Variants in CYP11B1 observed in about 807,000 individuals in gnomAD.
CYP11B1 encodes cytochrome P450 11B1, mitochondrial.
A neutral mutation model predicts 48.3 loss-of-function variants in CYP11B1; 34 were observed. The observed-to-expected ratio is 0.70, with a 90% CI of 0.54 to 0.94. The LOEUF (loss-of-function observed/expected upper bound fraction) is 0.94. Ranked by LOEUF, CYP11B1 falls within the 40% of genes least tolerant of loss-of-function variation. CYP11B1 has a pLI of 0.00. For missense variants in CYP11B1, 688 were observed against 657.4 expected (o/e 1.05, Z -0.51); for synonymous variants, 291 against 262.5 (o/e 1.11, Z -1.05).
chr8:142,877,947 T>C (rs1817012139), intron 2 of CYP11B1: 5 of 804,790 alleles, frequency 6.2e-6, no homozygotes, highest in Non-Finnish European at 9.9e-6. Context: ...CTCAACACCA[T>C]GTGTGAAGAG....
At chr8:142,874,600 G>A (rs1411234710) in intron 8 of CYP11B1, 114 bp from the exon 9 acceptor site, 2 of 794,700 alleles carry the variant, frequency 2.5e-6, no homozygotes, top group Non-Finnish European at 4.4e-6. Flanking sequence ...CAGCAGCCTG[G>A]CCTCCAACCT....
In CYP11B1 at chr8:142,877,245, T is replaced by G. The variant is rs1218698633; in HGVS notation, c.396-23A>C. 1.9e-6 allele frequency: 3 copies of G among 1,590,970 alleles called. No homozygotes were observed. The Admixed American group carries it at 5.3e-5, about 28-fold the overall frequency. On this transcript the variant is annotated intron_variant, in intron 2 of 8. Coordinates refer to ENST00000292427, the MANE Select transcript of CYP11B1 (RefSeq NM_000497.4). ...TTCCTACAGAGGCCAGGGCAGAGCTTGTGAGGCCGCCCCAGCAAGACACAG... is the reference window on the plus strand; with the variant it reads ...TTCCTACAGAGGCCAGGGCAGAGCTGGTGAGGCCGCCCCAGCAAGACACAG...
intron 4 of CYP11B1, 49 bp downstream of exon 4, chr8:142,876,633 C>T (rs1410658783): frequency 1.9e-6 from 3 of 1,577,050 alleles, no homozygotes; most frequent in Admixed American, 1.8e-5. Context: ...AGAAATTGGG[C>T]CCCCATGGTG....
In CYP11B1 at chr8:142,877,151, C is replaced by T. The variant is rs752985075; in HGVS notation, c.467G>A (p.Arg156Lys). ...PEVLSPNAVQ[R>K]FLPMVDAVAR... is the part of the protein sequence containing the mutation. ...CACTGCATCCACCATCGGGAGGAAC[C>T]TCTGCACAGCGTTGGGCGACAGCAC... Residue 156 changes from arginine (R) to lysine (K), a missense_variant, in exon 3 of 9, where the codon AGG (arginine) becomes AAG (lysine). By Grantham distance (26) the Arg-to-Lys change is conservative. Transcript: ENST00000292427. 1.9e-6 allele frequency: 3 copies of T among 1,614,204 alleles called. No individual in the cohort carries two copies. Among genetic ancestry groups the T allele is most frequent in the South Asian group, 1.1e-5 (1 of 91,086 alleles).
At position 142,873,387 on chromosome 8, in the gene CYP11B1, C is replaced by T. The variant is rs918149931; in HGVS notation, c.*986G>A. The T allele has an allele frequency of 6.6e-6, 1 of 152,224 alleles. No individual in the cohort carries two copies. Among genetic ancestry groups the T allele is most frequent in the African/African-American group, 2.4e-5 (1 of 41,456 alleles). The allele number at this position is 152,224 out of a possible 1,614,324, so 9.4% of individuals were successfully genotyped here. A position where few individuals can be genotyped will look rare whatever the true frequency, so the allele number is the denominator to read the frequency against. The stretch of plus-strand genomic sequence containing the variant: ...GGGGAGTGGCCAGTTCAGGAGGGGT[C>T]AACTCTCTCTGCTGGGCTAGGAGCA... On this transcript the variant is annotated 3_prime_UTR_variant, in exon 9 of 9. Coordinates refer to ENST00000292427, the MANE Select transcript of CYP11B1 (RefSeq NM_000497.4).
chr8:142,879,350 G>T, intron 1 of CYP11B1, 163 bp from the exon 2 acceptor site: 6 of 1,607,258 alleles, frequency 3.7e-6, no homozygotes, highest in Non-Finnish European at 5.1e-6. Flanking sequence ...CTTAACTTCA[G>T]TGCCTCTGAG....
Position 142,876,836 on chromosome 8 carries a change from G to T in CYP11B1, c.645C>A (p.Ser215Arg), listed in dbSNP as rs199525592. ...GGAAGTTCAGGCTGGCAGAACTGGG[G>T]CTGTGGCCAACCAGGCCCAGCCGCT... Reference protein sequence around the residue: ...FGERLGLVGHSPSSASLNFLH... With the variant: ...FGERLGLVGHRPSSASLNFLH... Residue 215 changes from serine to arginine, a missense_variant, in exon 4 of 9, where the codon AGC (serine) becomes AGA (arginine). Transcript: ENST00000292427. 1.9e-6 allele frequency: 3 copies of T among 1,614,008 alleles called. No homozygotes were observed. The highest frequency in any genetic ancestry group is 2.2e-5 in the South Asian group (2 of 91,078).
At chr8:142,876,595 T>C (rs1336994627) in intron 4 of CYP11B1, 87 bp downstream of exon 4, 12 of 1,557,818 alleles carry the variant, frequency 7.7e-6, no homozygotes, top group Non-Finnish European at 1.0e-5. Flanking sequence ...CCCTGTGGCC[T>C]CCATTCCCCA....
At chr8:142,875,638 G>C (rs1414168659) in intron 6 of CYP11B1, 74 bp downstream of exon 6, 24 of 1,554,186 alleles carry the variant, frequency 1.5e-5, no homozygotes, top group Non-Finnish European at 1.9e-5. Flanking sequence ...CCCAGATTCT[G>C]TCTGCCACCA....
At position 142,875,090 on chromosome 8, in the gene CYP11B1, C is replaced by A. The variant is rs369813641; in HGVS notation, c.1265G>T (p.Arg422Leu). Residue 422 changes from arginine to leucine, a missense_variant, in exon 8 of 9, where the codon CGC becomes CTC. Coordinates refer to ENST00000292427, the MANE Select transcript of CYP11B1 (RefSeq NM_000497.4). ...RNPALFPRPE[R>L]YNPQRWLDIR... ...GTCTAGCCAGCGCTGGGGGTTATAG[C>A]GCTCAGGCCTCGGGAACAAGGCGGG... 111 of 1,614,138 alleles carry A rather than the reference C, an allele frequency of 6.9e-5. No homozygotes were observed. The highest frequency in any genetic ancestry group is 9.2e-5 in the Non-Finnish European group (109 of 1,180,056).
In CYP11B1 at chr8:142,879,210, G is replaced by A. The variant is rs61751138; in HGVS notation, c.240-23C>T. On this transcript the variant is annotated intron_variant, in intron 1 of 8. Coordinates refer to ENST00000292427, the MANE Select transcript of CYP11B1 (RefSeq NM_000497.4). Reference sequence around the variant, plus strand: ...TACCTGTGGGGCCAAGCACGAGGCCGTGCTGGATGGGACCATGTCCCCGCT... The same window carrying A: ...TACCTGTGGGGCCAAGCACGAGGCCATGCTGGATGGGACCATGTCCCCGCT... 81,074 of 1,613,744 alleles carry A rather than the reference G, an allele frequency of 0.05. 2,364 individuals carry two copies. The highest frequency in any genetic ancestry group is 0.058 in the Non-Finnish European group (68,421 of 1,179,974).
In CYP11B1 at chr8:142,874,961, TGCA is replaced by T. The variant is rs761488596; in HGVS notation, c.1391_1393del (p.Leu464del). ...CCCCAGCCCGGGCCTGCTCACATGG[TGCA>T]GCAGCAGCAGCATCTCTGCCTCTGC... On this transcript the variant is annotated inframe_deletion, in exon 8 of 9. Transcript: ENST00000292427. 2 of 1,613,326 alleles carry T rather than the reference TGCA, an allele frequency of 1.2e-6. No homozygotes were observed. The highest frequency in any genetic ancestry group is 4.5e-5 in the East Asian group (2 of 44,866).
intron 4 of CYP11B1, 51 bp from the exon 5 acceptor site, chr8:142,876,446 C>T (rs748626226): frequency 4.2e-5 from 67 of 1,581,228 alleles, no homozygotes; most frequent in Non-Finnish European, 4.9e-5. Context: ...GGGAGACATC[C>T]TTCAGTGTCC....
At chr8:142,877,566 AG>A (rs796842077) in intron 2 of CYP11B1, among the ~76,000 whole-genome samples, 3 of 152,294 alleles carry the variant, frequency 2.0e-5, no homozygotes, top group African/African-American at 7.2e-5. Flanking sequence ...TCTGCAAGAA[AG>A]GAACTGACCC....
intron 6 of CYP11B1, 58 bp downstream of exon 6, chr8:142,875,654 T>C: frequency 6.3e-7 from 1 of 1,597,338 alleles, no homozygotes. Flanking sequence ...CACCACCCAG[T>C]GGGGGCTGCT....
chr8:142,875,834 G>C lies in CYP11B1; in HGVS notation c.999C>G (p.Asn333Lys). The C allele has an allele frequency of 6.2e-7, 1 of 1,614,108 alleles. No individual in the cohort carries two copies. The highest frequency in any genetic ancestry group is 1.7e-5 in the Admixed American group (1 of 60,024). The stretch of plus-strand genomic sequence containing the variant: ...GGCGCAGGGCCTGCTGCACGTTGGG[G>C]TTCCGAGCCAGCTCAAAGAGCGTCA... ...LLMTLFELAR[N>K]PNVQQALRQE... The change falls in exon 6 of 9, where the codon AAC becomes AAG. Residue 333 changes from asparagine (N) to lysine (K), a missense_variant. Asn to Lys is a moderately conservative substitution (Grantham distance 94). Coordinates refer to ENST00000292427, the MANE Select transcript of CYP11B1 (RefSeq NM_000497.4).
intron 2 of CYP11B1, chr8:142,877,783 A>G: frequency 6.3e-7 from 1 of 1,597,266 alleles, no homozygotes; most frequent in Non-Finnish European, 8.5e-7. Context: ...TGGGGGCTCC[A>G]TGGATGCCCC....
rs552467066 is a variant in CYP11B1 at position 142,878,489 on chromosome 8, C to T, written c.395+543G>A. Among the ~76,000 whole-genome samples the T allele has an allele frequency of 6.6e-5, 10 of 152,332 alleles. No homozygotes were observed. The South Asian group carries it at 1.0e-3, about 16-fold the overall frequency. On this transcript the variant is annotated intron_variant, in intron 2 of 8. Coordinates refer to ENST00000292427, the MANE Select transcript of CYP11B1 (RefSeq NM_000497.4). ...AAACATCCTCCCCAGTGCCATCAAC[C>T]GCCCCACCTCGTGCCTTGCTTCTGA...
In CYP11B1 at chr8:142,873,791, T is replaced by G; in HGVS notation, c.*582A>C. On this transcript the variant is annotated 3_prime_UTR_variant, in exon 9 of 9. Transcript: ENST00000292427. ...GAGACTCAGTTGTATCACTTGAAAA[T>G]GGGGATGTCAGGACAAGTGACCACA... 1 of 164,046 alleles carries G rather than the reference T, an allele frequency of 6.1e-6. No individual in the cohort carries two copies. The allele number at this position is 164,046 out of a possible 1,614,324, so 10.2% of individuals were successfully genotyped here. A position where few individuals can be genotyped will look rare whatever the true frequency, so the allele number is the denominator to read the frequency against.
Sources: allele counts gnomAD v4.1 joint callset (sites outside exome capture counted in the v4.1 genomes callset), GRCh38; gene constraint gnomAD v4.1.1; transcripts MANE v1.5; gene names NCBI Gene and HGNC (gene_info 2026-07-23, HGNC 2026-07-21).